The following ZNF629 variants were observed in gnomAD, a reference collection of about 807,000 sequenced individuals.
The protein encoded by ZNF629 is zinc finger protein 629, also known as DNA-binding protein.
In ZNF629, 9 loss-of-function variants were observed where a neutral mutation model predicts 59.7. The ratio of observed to expected loss-of-function variants is 0.15; its 90% confidence interval spans 0.09 to 0.26. The LOEUF is 0.26. Among genes scored for constraint, ZNF629 ranks in the 10% least tolerant of loss-of-function variants. ZNF629 has a pLI of 1.00. For missense variants in ZNF629, 853 were observed against 1,165.4 expected, an observed-to-expected ratio of 0.73 and a Z score of 3.90; for synonymous variants, 509 against 498.9, an observed-to-expected ratio of 1.02 and a Z score of -0.27.
chr16:30,784,055 G>C lies in ZNF629; in HGVS notation c.273C>G (p.Pro91=). 1 of 1,591,234 alleles carries C rather than the reference G, an allele frequency of 6.3e-7. No homozygotes were observed. The highest frequency in any genetic ancestry group is 8.5e-7 in the Non-Finnish European group (1 of 1,170,864). The change falls in exon 3 of 3, where the codon CCC becomes CCG. Residue 91 remains proline (P), a synonymous_variant. Transcript: ENST00000262525. ...GHSNPLDHQI[P]LDPPAPEVVP... The stretch of plus-strand genomic sequence containing the variant: ...CTACCTCCGGGGCTGGGGGGTCCAG[G>C]GGGATCTGGTGGTCCAAGGGATTGG...
chr16:30,782,275 C>A lies in ZNF629; in HGVS notation c.2053G>T (p.Gly685Cys). The change falls in exon 3 of 3, where the codon GGC becomes TGC. Residue 685 changes from glycine to cysteine, a missense_variant. Gly to Cys is a radical substitution (Grantham distance 159). Transcript: ENST00000262525. ...SVLLQHQLTH[G>C]NEKPFLFPDY... ...GGAAAGAGAAAGGGCTTTTCGTTGCCGTGGGTGAGCTGATGCTGGAGGAGC... is the reference window on the plus strand; with the variant it reads ...GGAAAGAGAAAGGGCTTTTCGTTGCAGTGGGTGAGCTGATGCTGGAGGAGC... The A allele has an allele frequency of 6.2e-7, 1 of 1,612,752 alleles. No individual in the cohort carries two copies. The highest frequency in any genetic ancestry group is 2.2e-5 in the East Asian group (1 of 44,824).
chr16:30,783,695 G>A lies in ZNF629; in HGVS notation c.633C>T (p.Cys211=), dbSNP rs150923812. ...TGEKPYKCPD[C]GKCFSWSSNL... The stretch of plus-strand genomic sequence containing the variant: ...TGGAGCTCCAGCTGAAGCACTTGCC[G>A]CAGTCGGGGCACTTGTAGGGCTTCT... Residue 211 remains cysteine (C), a synonymous_variant, in exon 3 of 3, where the codon TGC becomes TGT. Coordinates refer to ENST00000262525, the MANE Select transcript of ZNF629 (RefSeq NM_001080417.3). 1.3e-4 allele frequency: 214 copies of A among 1,613,700 alleles called. No individual in the cohort carries two copies. In the African/African-American group the frequency reaches 2.5e-3, roughly 19 times the overall value.
rs1326635148 is a variant in ZNF629 at position 30,781,861 on chromosome 16, C to G, written c.2467G>C (p.Glu823Gln). The G allele has an allele frequency of 1.3e-6, 2 of 1,584,342 alleles. No individual in the cohort carries two copies. Among genetic ancestry groups the G allele is most frequent in the East Asian group, 4.5e-5 (2 of 44,196 alleles). Residue 823 changes from glutamate to glutamine, a missense_variant, in exon 3 of 3, where the codon GAG becomes CAG. Coordinates refer to ENST00000262525, the MANE Select transcript of ZNF629 (RefSeq NM_001080417.3). ...TGCCCTTCCCCATGGCTGCTGCTCT[C>G]TGTGGGGGTAGGGGTCTCGCCCTCA... is the stretch of plus-strand genomic sequence containing the variant. ...EGEGETPTPT[E>Q]SSSHGEGQNP...
At position 30,786,757 on chromosome 16, in the gene ZNF629, A is replaced by C. The variant is rs2054336223; in HGVS notation, c.-34+271T>G. Among the ~76,000 whole-genome samples, 1 of 147,972 alleles carries C rather than the reference A, an allele frequency of 6.8e-6. No individual in the cohort carries two copies. The highest frequency in any genetic ancestry group is 1.5e-5 in the Non-Finnish European group (1 of 67,430). On this transcript the variant is annotated intron_variant, in intron 1 of 2. Coordinates refer to ENST00000262525, the MANE Select transcript of ZNF629 (RefSeq NM_001080417.3). The surrounding 1 kb of genome is among the most constrained non-coding windows in gnomAD (Gnocchi z 4.8). Reference sequence around the variant, plus strand: ...CCTTCCAGCACTGCCAGGCTCCTCCAGGGCTGCGCTGGCAGCGCTGGTCCC... The same window carrying C: ...CCTTCCAGCACTGCCAGGCTCCTCCCGGGCTGCGCTGGCAGCGCTGGTCCC...
rs973376632 is a variant in ZNF629 at position 30,784,228 on chromosome 16, T to G, written c.100A>C (p.Ser34Arg). 8.7e-6 allele frequency: 14 copies of G among 1,604,660 alleles called. No homozygotes were observed. The highest frequency in any genetic ancestry group is 1.7e-6 in the Non-Finnish European group (2 of 1,178,098). Reference protein sequence around the residue: ...RGAESENEEESPRQESSGEEI... With the variant: ...RGAESENEEERPRQESSGEEI... ...TCCCCAGAACTTTCCTGCCGAGGGCTCTCCTCTTCGTTTTCACTCTCGGCA... is the reference window on the plus strand; with the variant it reads ...TCCCCAGAACTTTCCTGCCGAGGGCGCTCCTCTTCGTTTTCACTCTCGGCA... The change falls in exon 3 of 3, where the codon AGC becomes CGC. Residue 34 changes from serine (S) to arginine (R), a missense_variant. This residue lies in a region of ZNF629 where 232 missense variants were observed against 193.4 expected (regional missense o/e 1.20). Transcript: ENST00000262525.
Position 30,784,627 on chromosome 16 carries a change from T to C in ZNF629, c.-33-112A>G, listed in dbSNP as rs375074876. On this transcript the variant is annotated intron_variant, in intron 1 of 2. Coordinates refer to ENST00000262525, the MANE Select transcript of ZNF629 (RefSeq NM_001080417.3). Reference sequence around the variant, plus strand: ...CCGCCCCATTCCTCCTTGTGTGAACTTCAGTGTCCTCCCACCCCATTTTTC... The same window carrying C: ...CCGCCCCATTCCTCCTTGTGTGAACCTCAGTGTCCTCCCACCCCATTTTTC... 9.6e-4 allele frequency: 766 copies of C among 796,232 alleles called. 7 individuals carry two copies. Among genetic ancestry groups the C allele is most frequent in the Middle Eastern group, 1.5e-3 (6 of 3,992 alleles). 49.3% of individuals were successfully genotyped at this position (796,232 alleles called of 1,614,324 possible).
Position 30,778,551 on chromosome 16 carries a change from C to A in ZNF629, c.*3167G>T, listed in dbSNP as rs1002347886. 6.5e-6 allele frequency: 1 copy of A among 152,812 alleles called. No homozygotes were observed. The highest frequency in any genetic ancestry group is 1.5e-5 in the Non-Finnish European group (1 of 68,186). 9.5% of individuals were successfully genotyped at this position (152,812 alleles called of 1,614,324 possible). On this transcript the variant is annotated 3_prime_UTR_variant, in exon 3 of 3. Transcript: ENST00000262525. ...CACAACACTCAAAAATGGGGCCTCT[C>A]TTCACTCCATGGGGACAAGTCCGGT...
chr16:30,784,596 C>A, intron 1 of ZNF629, 81 bp from the exon 2 acceptor site: 1 of 1,079,104 alleles, frequency 9.3e-7, no homozygotes, highest in South Asian at 1.7e-5. Flanking sequence ...TCACTCCCAC[C>A]CTGCCCCGCC....
rs1228369659 is a variant in ZNF629, at chr16:30,786,702, G to A, written c.-34+326C>T. On this transcript the variant is annotated intron_variant, in intron 1 of 2. Transcript: ENST00000262525. This position sits in a 1 kb window ranked among gnomAD's most constrained non-coding sequence, Gnocchi z 4.8. ...CTGCTGATACAGAGCCTGGGCATCC[G>A]CCCCTGCCCCGGCCCCCGGGGTCCC... 7.1e-6 allele frequency among the ~76,000 whole-genome samples: 1 copy of A among 141,790 alleles called. No individual in the cohort carries two copies. The highest frequency in any genetic ancestry group is 2.1e-4 in the East Asian group (1 of 4,796). The allele number at this position is 141,790 out of a possible 152,430, so 93.0% of individuals were successfully genotyped here.
chr16:30,782,494 G>T lies in ZNF629; in HGVS notation c.1834C>A (p.Pro612Thr). The change falls in exon 3 of 3, where the codon CCT (proline) becomes ACT (threonine). Residue 612 changes from proline to threonine, a missense_variant. Pro to Thr is a conservative substitution (Grantham distance 38). Transcript: ENST00000262525. ...GLIAHAAPKP[P>T]QLRSPRLPFR... Reference sequence around the variant, plus strand: ...GGGAGCCTTGGGGATCGTAACTGAGGAGGTTTGGGGGCTGCGTGTGCGATG... The same window carrying T: ...GGGAGCCTTGGGGATCGTAACTGAGTAGGTTTGGGGGCTGCGTGTGCGATG... 1.3e-6 allele frequency: 2 copies of T among 1,566,734 alleles called. No homozygotes were observed. Among genetic ancestry groups the T allele is most frequent in the Non-Finnish European group, 1.7e-6 (2 of 1,155,136 alleles).
rs562722891 is a variant in ZNF629, at chr16:30,784,531, G to A, written c.-33-16C>T. 15 of 1,490,776 alleles carry A rather than the reference G, an allele frequency of 1.0e-5. No individual in the cohort carries two copies. The South Asian group carries it at 1.5e-4, about 15-fold the overall frequency. 92.3% of individuals were successfully genotyped at this position (1,490,776 alleles called of 1,614,324 possible). ...TCCAGGGACCCTGCGGGGGAAGACA[G>A]CGATGAGCGCACACTGGGAGCTGAT... On this transcript the variant is annotated splice_polypyrimidine_tract_variant and intron_variant, in intron 1 of 2. Coordinates refer to ENST00000262525, the MANE Select transcript of ZNF629 (RefSeq NM_001080417.3).
chr16:30,781,694 A>C lies in ZNF629; in HGVS notation c.*24T>G, dbSNP rs367687031. On this transcript the variant is annotated 3_prime_UTR_variant, in exon 3 of 3. Coordinates refer to ENST00000262525, the MANE Select transcript of ZNF629 (RefSeq NM_001080417.3). The stretch of plus-strand genomic sequence containing the variant: ...CCAGTGTTCCTCTCTGGAGAGAGCG[A>C]GGCCCCTGGTCTCCAGACCCATTTC... 1.9e-6 allele frequency: 3 copies of C among 1,576,372 alleles called. No individual in the cohort carries two copies. Among genetic ancestry groups the C allele is most frequent in the Non-Finnish European group, 2.6e-6 (3 of 1,161,908 alleles).
chr16:30,781,180 C>G lies in ZNF629; in HGVS notation c.*538G>C, dbSNP rs2054277357. On this transcript the variant is annotated 3_prime_UTR_variant, in exon 3 of 3. Coordinates refer to ENST00000262525, the MANE Select transcript of ZNF629 (RefSeq NM_001080417.3). ...CCTTTTCAGTTCCACCCAGTTCCCA[C>G]ACCACTCCCCCAGCTGAGCATCTTC... The G allele has an allele frequency of 6.6e-6, 1 of 152,358 alleles. No homozygotes were observed. The allele number at this position is 152,358 out of a possible 1,614,324, so 9.4% of individuals were successfully genotyped here.
chr16:30,785,788 CT>C (rs2054326383), intron 1 of ZNF629, among the ~76,000 whole-genome samples: 1 of 151,788 alleles, frequency 6.6e-6, no homozygotes. Context: ...CCTGTTTGGT[CT>C]AATGCCTTTA....
At position 30,784,162 on chromosome 16, in the gene ZNF629, T is replaced by G. The variant is rs2054309926; in HGVS notation, c.166A>C (p.Lys56Gln). Residue 56 changes from lysine to glutamine, a missense_variant, in exon 3 of 3, where the codon AAG (lysine) becomes CAG (glutamine). Around this residue, in one of 3 missense-constraint regions of ZNF629, gnomAD observed 232 missense variants for 193.4 expected, o/e 1.20. Transcript: ENST00000262525. Reference sequence around the variant, plus strand: ...TCCAGGGACATCTCTGTTGAGTCCTTGGATTCTGGACTCTGAGCCGGGTCT... The same window carrying G: ...TCCAGGGACATCTCTGTTGAGTCCTGGGATTCTGGACTCTGAGCCGGGTCT... ...MGDPAQSPES[K>Q]DSTEMSLERS... is the part of the protein sequence containing the mutation. 2 of 1,609,848 alleles carry G rather than the reference T, an allele frequency of 1.2e-6. No homozygotes were observed. The highest frequency in any genetic ancestry group is 2.2e-5 in the South Asian group (2 of 90,458).
chr16:30,782,574 A>G lies in ZNF629; in HGVS notation c.1754T>C (p.Met585Thr), dbSNP rs2054292981. Reference protein sequence around the residue: ...GKGFNDEGIFMQHQRIHIGEN... With the variant: ...GKGFNDEGIFTQHQRIHIGEN... ...TCCGATGTGGATCCTCTGATGTTGC[A>G]TGAAGATGCCCTCGTCGTTGAAGCC... The change falls in exon 3 of 3, where the codon ATG (methionine) becomes ACG (threonine). Residue 585 changes from methionine (M) to threonine (T), a missense_variant. By Grantham distance (81) the Met-to-Thr change is moderately conservative. Coordinates refer to ENST00000262525, the MANE Select transcript of ZNF629 (RefSeq NM_001080417.3). 2 of 1,561,240 alleles carry G rather than the reference A, an allele frequency of 1.3e-6. No individual in the cohort carries two copies. The highest frequency in any genetic ancestry group is 2.7e-5 in the African/African-American group (2 of 73,464).
chr16:30,782,713 C>G lies in ZNF629; in HGVS notation c.1615G>C (p.Gly539Arg). 1 of 1,612,658 alleles carries G rather than the reference C, an allele frequency of 6.2e-7. No individual in the cohort carries two copies. The highest frequency in any genetic ancestry group is 8.5e-7 in the Non-Finnish European group (1 of 1,179,640). ...LEQHRVIHERGKTPARRAQGD... is the reference protein window; with the variant it reads ...LEQHRVIHERRKTPARRAQGD... ...TGGGCCCTACGCGCTGGGGTCTTCCCCCTCTCATGGATCACCCGGTGCTGC... is the reference window on the plus strand; with the variant it reads ...TGGGCCCTACGCGCTGGGGTCTTCCGCCTCTCATGGATCACCCGGTGCTGC... Residue 539 changes from glycine (G) to arginine (R), a missense_variant, in exon 3 of 3, where the codon GGG becomes CGG. Physicochemically the swap from Gly to Arg is moderately radical, Grantham distance 125. Around this residue, in one of 3 missense-constraint regions of ZNF629, gnomAD observed 420 missense variants for 435.6 expected, o/e 0.96. Transcript: ENST00000262525.
Position 30,782,370 on chromosome 16 carries a change from C to T in ZNF629, c.1958G>A (p.Arg653Lys), listed in dbSNP as rs1201892484. Residue 653 changes from arginine to lysine, a missense_variant, in exon 3 of 3, where the codon AGG (arginine) becomes AAG (lysine). Coordinates refer to ENST00000262525, the MANE Select transcript of ZNF629 (RefSeq NM_001080417.3). Reference protein sequence around the residue: ...PPEGQEGFSQRRGLLSSKTYI... With the variant: ...PPEGQEGFSQKRGLLSSKTYI... The stretch of plus-strand genomic sequence containing the variant: ...GGTCTTGGAGGACAGCAGCCCCCGC[C>T]TCTGGCTGAAGCCCTCCTGACCCTC... The T allele has an allele frequency of 6.3e-7, 1 of 1,582,218 alleles. No homozygotes were observed. Among genetic ancestry groups the T allele is most frequent in the African/African-American group, 1.3e-5 (1 of 74,166 alleles).
At position 30,783,495 on chromosome 16, in the gene ZNF629, A is replaced by G; in HGVS notation, c.833T>C (p.Ile278Thr). 2.5e-6 allele frequency: 4 copies of G among 1,613,850 alleles called. No homozygotes were observed. Among genetic ancestry groups the G allele is most frequent in the Non-Finnish European group, 3.4e-6 (4 of 1,179,970 alleles). The change falls in exon 3 of 3, where the codon ATC becomes ACC. Residue 278 changes from isoleucine (I) to threonine (T), a missense_variant. Ile to Thr is a moderately conservative substitution (Grantham distance 89). Coordinates refer to ENST00000262525, the MANE Select transcript of ZNF629 (RefSeq NM_001080417.3). ...RRAFYRSSDL[I>T]QHQATHTGEK... is the part of the protein sequence containing the mutation. ...GCCTGTGTGGGTGGCCTGGTGCTGGATGAGGTCCGAGCTGCGGTAGAAAGC... is the reference window on the plus strand; with the variant it reads ...GCCTGTGTGGGTGGCCTGGTGCTGGGTGAGGTCCGAGCTGCGGTAGAAAGC...
Sources: gnomAD v4.1 joint callset for allele counts (sites outside exome capture counted in the v4.1 genomes callset) on GRCh38, gnomAD v4.1.1 for gene constraint, gnomAD v4.1.1 regional missense constraint, Gnocchi (gnomAD v3.1) non-coding constraint, MANE v1.5 for transcripts, NCBI Gene and HGNC (gene_info 2026-07-23, HGNC 2026-07-21) for gene names.